The following CDH9 variants were observed in gnomAD, a reference collection of about 807,000 sequenced individuals.
CDH9 encodes the protein cadherin 9.
A neutral mutation model predicts 70.9 loss-of-function variants in CDH9; 28 were observed. That is an observed-to-expected ratio of 0.40 (90% CI 0.29 to 0.54). The LOEUF is 0.54. CDH9 is among the 20% of genes least tolerant of loss of function. The probability of loss-of-function intolerance (pLI) is 0.59; values close to 1 mark genes in which losing one functional copy is unlikely to be tolerated. For missense variants in CDH9, 874 were observed against 984.4 expected (o/e 0.89, Z 1.50); for synonymous variants, 409 against 343.1 (o/e 1.19, Z -2.12).
intron 1 of CDH9, among the ~76,000 whole-genome samples, chr5:27,026,702 A>T (rs1028336063): frequency 6.6e-5 from 10 of 151,978 alleles, no homozygotes; most frequent in African/African-American, 2.2e-4. Flanking sequence ...ATAGAAAAAA[A>T]ATTAGTAAAT....
chr5:26,968,753 A>G (rs2112070453), intron 2 of CDH9, among the ~76,000 whole-genome samples: 1 of 151,418 alleles, frequency 6.6e-6, no homozygotes, highest in Non-Finnish European at 1.5e-5. Flanking sequence ...CTAGAATTCA[A>G]AGAGGGAGAT....
intron 7 of CDH9, among the ~76,000 whole-genome samples, chr5:26,893,864 A>G (rs1420109591): frequency 3.3e-5 from 5 of 152,130 alleles, no homozygotes; most frequent in African/African-American, 1.2e-4. Context: ...AGTTGTGCTA[A>G]CATGAAACAA....
intron 2 of CDH9, among the ~76,000 whole-genome samples, chr5:26,947,694 G>T (rs1443119748): frequency 6.6e-6 from 1 of 152,142 alleles, no homozygotes; most frequent in Non-Finnish European, 1.5e-5. Context: ...CTATTACGAA[G>T]AAATGCTGTT....
chr5:27,013,106 G>A (rs1209655201), intron 1 of CDH9, among the ~76,000 whole-genome samples: 1 of 151,818 alleles, frequency 6.6e-6, no homozygotes, highest in Non-Finnish European at 1.5e-5. Context: ...GGCAGCTCCA[G>A]GGCCCTGGGT....
chr5:26,976,425 A>G (rs1371511080), intron 2 of CDH9, among the ~76,000 whole-genome samples: 1 of 151,498 alleles, frequency 6.6e-6, no homozygotes, highest in Non-Finnish European at 1.5e-5. Flanking sequence ...TCTTTAGGTT[A>G]TTTTACAGTC....
At chr5:26,981,649 A>G (rs1016907596) in intron 2 of CDH9, among the ~76,000 whole-genome samples, 7 of 152,072 alleles carry the variant, frequency 4.6e-5, no homozygotes, top group Non-Finnish European at 1.0e-4. Context: ...AAATGTGTGG[A>G]AAAATTTTAA....
chr5:26,911,155 A>T (rs1409693508), intron 3 of CDH9, among the ~76,000 whole-genome samples: 6 of 152,178 alleles, frequency 3.9e-5, no homozygotes, highest in Admixed American at 3.9e-4. Context: ...TGCTTAATGT[A>T]GACTAGACAT....
intron 5 of CDH9, 129 bp downstream of exon 5, chr5:26,905,830 A>G: frequency 1.5e-6 from 1 of 670,662 alleles, no homozygotes; most frequent in Non-Finnish European, 2.6e-6. Context: ...TTGGTAGAGG[A>G]ATGGATTATG....
At chr5:26,995,984 T>C (rs1245399847) in intron 1 of CDH9, among the ~76,000 whole-genome samples, 2 of 152,012 alleles carry the variant, frequency 1.3e-5, no homozygotes, top group Non-Finnish European at 2.9e-5. Context: ...GAAAAATGTC[T>C]GCTATTAAAT....
intron 1 of CDH9, among the ~76,000 whole-genome samples, chr5:26,996,873 T>A (rs1390452058): frequency 6.6e-6 from 1 of 151,916 alleles, no homozygotes; most frequent in African/African-American, 2.4e-5. Context: ...ACTATCTTTA[T>A]CCAAATTAGT....
At chr5:26,961,325 T>G (rs1409591975) in intron 2 of CDH9, among the ~76,000 whole-genome samples, 2 of 152,166 alleles carry the variant, frequency 1.3e-5, no homozygotes, top group Non-Finnish European at 2.9e-5. Context: ...CAGCTATAGT[T>G]ACCATATTGT....
chr5:26,892,777 C>T (rs1740682404), intron 7 of CDH9, among the ~76,000 whole-genome samples: 1 of 152,170 alleles, frequency 6.6e-6, no homozygotes, highest in South Asian at 2.1e-4. Flanking sequence ...CTCGCCCAGG[C>T]TGCAGTGCAG....
chr5:26,887,973 C>G (rs1021893711), intron 9 of CDH9, among the ~76,000 whole-genome samples: 2 of 152,102 alleles, frequency 1.3e-5, no homozygotes, highest in African/African-American at 4.8e-5. Context: ...ATACTTCCAG[C>G]CTCCAAAACT....
chr5:26,941,863 T>C (rs1017429432), intron 2 of CDH9, among the ~76,000 whole-genome samples: 1 of 152,168 alleles, frequency 6.6e-6, no homozygotes, highest in African/African-American at 2.4e-5. Context: ...GGCTGGGAAG[T>C]CCAAGGTGCA....
intron 7 of CDH9, among the ~76,000 whole-genome samples, chr5:26,894,704 AGAGCC>A (rs1298791236): frequency 6.6e-6 from 1 of 152,156 alleles, no homozygotes; most frequent in East Asian, 1.9e-4. Context: ...ATGACCAGAA[AGAGCC>A]TGATAAACCC....
chr5:27,022,072 C>T (rs1743146956), intron 1 of CDH9, among the ~76,000 whole-genome samples: 1 of 151,920 alleles, frequency 6.6e-6, no homozygotes, highest in African/African-American at 2.4e-5. Context: ...TTTCTTATTA[C>T]TCCCATAACA....
At chr5:26,912,134 G>T (rs1339167489) in intron 3 of CDH9, among the ~76,000 whole-genome samples, 3 of 151,950 alleles carry the variant, frequency 2.0e-5, no homozygotes, top group Non-Finnish European at 2.9e-5. Context: ...TTAACTCTTT[G>T]ATTTAAATGA....
At chr5:26,885,394 T>C (rs1418872796) in intron 11 of CDH9, among the ~76,000 whole-genome samples, 2 of 152,192 alleles carry the variant, frequency 1.3e-5, no homozygotes, top group African/African-American at 4.8e-5. Flanking sequence ...TACGCATGTG[T>C]ATAGCATTTG....
At chr5:26,883,092 TATAAAA>T (rs1740500068) in intron 11 of CDH9, among the ~76,000 whole-genome samples, 16 of 108,468 alleles carry the variant, frequency 1.5e-4, no homozygotes, top group African/African-American at 5.7e-4. Flanking sequence ...TATATATATA[TATAAAA>T]CTGCAGTAAA....
Sources: allele counts gnomAD v4.1 joint callset (sites outside exome capture counted in the v4.1 genomes callset), GRCh38; gene constraint gnomAD v4.1.1; transcripts MANE v1.5; gene names NCBI Gene and HGNC (gene_info 2026-07-23, HGNC 2026-07-21).